Variants in DYM observed in about 807,000 individuals in gnomAD.
DYM encodes dyggve-Melchior-Clausen syndrome protein.
A neutral mutation model predicts 93.1 loss-of-function variants in DYM; 78 were observed. The ratio of observed to expected loss-of-function variants is 0.84; its 90% CI spans 0.70 to 1.01. The LOEUF is 1.01. Ranked by LOEUF, DYM falls within the 50% of genes least tolerant of loss-of-function variation. The pLI is 0.00. For missense variants in DYM, 789 were observed against 845.0 expected, an observed-to-expected ratio of 0.93 and a Z score of 0.82; for synonymous variants, 321 against 319.7, an observed-to-expected ratio of 1.00 and a Z score of -0.04.
chr18:49,460,212 C>T (rs2083380920), intron 1 of DYM, among the ~76,000 whole-genome samples, 186 bp downstream of exon 1: 1 of 152,184 alleles, frequency 6.6e-6, no homozygotes. Context: ...GAGGTCCGTC[C>T]GCTGTCAGCA....
In DYM at chr18:49,036,452, G is replaced by A. The variant is rs1433987704; in HGVS notation, c.*7603C>T. 6.6e-6 allele frequency among the ~76,000 whole-genome samples: 1 copy of A among 151,420 alleles called. No individual in the cohort carries two copies. The highest frequency in any genetic ancestry group is 1.5e-5 in the Non-Finnish European group (1 of 67,938). ...TATAAAACTGCACATATGTAATAAA[G>A]TGTACAATTTGATTAGACATATGTA... On this transcript the variant is annotated 3_prime_UTR_variant, in exon 18 of 18. Transcript: ENST00000675505.
intron 8 of DYM, among the ~76,000 whole-genome samples, chr18:49,323,936 A>C (rs2062695833): frequency 6.6e-6 from 1 of 152,106 alleles, no homozygotes; most frequent in South Asian, 2.1e-4. Flanking sequence ...TCAGGAGTTC[A>C]AGACCAGCCT....
In DYM at chr18:49,088,762, G is replaced by A. The variant is rs557948133; in HGVS notation, c.2025+8640C>T. Among the ~76,000 whole-genome samples the A allele has an allele frequency of 2.0e-5, 3 of 152,242 alleles. No individual in the cohort carries two copies. The South Asian group carries it at 6.2e-4, about 32-fold the overall frequency. ...GGGTTAAGAGGAAGCAAAAATTTAG[G>A]ATCTGAAAGAAGGAATAGCTGAAAT... is the stretch of plus-strand genomic sequence containing the variant. On this transcript the variant is annotated intron_variant, in intron 17 of 17. Transcript: ENST00000675505.
At chr18:49,425,232 T>C (rs1441746813) in intron 2 of DYM, among the ~76,000 whole-genome samples, 1 of 151,976 alleles carries the variant, frequency 6.6e-6, no homozygotes, top group Non-Finnish European at 1.5e-5. Flanking sequence ...CCCTCAGAAA[T>C]AATACCACAC....
chr18:49,264,987 A>G (rs1174428358), intron 11 of DYM, among the ~76,000 whole-genome samples: 1 of 152,236 alleles, frequency 6.6e-6, no homozygotes, highest in East Asian at 1.9e-4. Flanking sequence ...AACCGTTACC[A>G]CAGGTATGAG....
rs374409610 is a variant in DYM at position 49,256,023 on chromosome 18, G to T, written c.1460+987C>A. On this transcript the variant is annotated intron_variant, in intron 13 of 17. Transcript: ENST00000675505. The stretch of plus-strand genomic sequence containing the variant: ...GACGTGAACCCAGGAGGTGGAGCTT[G>T]CAGTGAGCTGAGATCGCACCACGGC... 7.2e-4 allele frequency among the ~76,000 whole-genome samples: 105 copies of T among 146,700 alleles called. No homozygotes were observed. In the Middle Eastern group the frequency reaches 0.018, roughly 25 times the overall value.
intron 6 of DYM, among the ~76,000 whole-genome samples, chr18:49,342,565 T>G (rs2064247520): frequency 1.3e-5 from 2 of 152,150 alleles, no homozygotes; most frequent in African/African-American, 2.4e-5. Flanking sequence ...CCAGCCAGCA[T>G]AAAAATATTA....
intron 13 of DYM, among the ~76,000 whole-genome samples, chr18:49,247,042 C>T (rs1598883707): frequency 6.6e-6 from 1 of 152,182 alleles, no homozygotes; most frequent in African/African-American, 2.4e-5. Context: ...AGTGAACAGA[C>T]TTGGAAGACA....
rs1041549976 is a variant in DYM, at chr18:49,424,101, C to G, written c.140+6154G>C. Among the ~76,000 whole-genome samples, 31 of 151,914 alleles carry G rather than the reference C, an allele frequency of 2.0e-4. No individual in the cohort carries two copies. In the South Asian group the frequency reaches 5.6e-3, roughly 28 times the overall value. On this transcript the variant is annotated intron_variant, in intron 2 of 17. Coordinates refer to ENST00000675505, the MANE Select transcript of DYM (RefSeq NM_001353214.3). ...CTGGCAGAGACACAACCAAAAACGA[C>G]AATTTTAGACCAATATCCCTGATGA...
chr18:49,223,470 T>C (rs1030225024), intron 13 of DYM, among the ~76,000 whole-genome samples: 2 of 152,058 alleles, frequency 1.3e-5, no homozygotes, highest in Admixed American at 1.3e-4. Flanking sequence ...ACTAATCAAA[T>C]GTGGTGTGGG....
intron 15 of DYM, among the ~76,000 whole-genome samples, chr18:49,152,267 G>A (rs1422379885): frequency 6.6e-6 from 1 of 152,176 alleles, no homozygotes; most frequent in Admixed American, 6.5e-5. Context: ...AAAGGCAATA[G>A]TGTTTCATTC....
chr18:49,135,515 CT>C (rs1389110224), intron 15 of DYM, among the ~76,000 whole-genome samples: 2 of 152,152 alleles, frequency 1.3e-5, no homozygotes, highest in African/African-American at 4.8e-5. Context: ...TGCAAAACAC[CT>C]ATCCCAATGC....
At chr18:49,230,135 T>C (rs1267123870) in intron 13 of DYM, among the ~76,000 whole-genome samples, 2 of 152,174 alleles carry the variant, frequency 1.3e-5, no homozygotes. Context: ...GGTAAATACA[T>C]GACTATATGT....
intron 13 of DYM, 113 bp from the exon 14 acceptor site, chr18:49,209,828 CA>C (rs2092698450): frequency 3.9e-6 from 2 of 507,758 alleles, no homozygotes; most frequent in African/African-American, 2.2e-5. Context: ...AGATGGTGCC[CA>C]AGAAAAAAAA....
At chr18:49,404,252 C>T (rs564593488) in intron 2 of DYM, among the ~76,000 whole-genome samples, 1 of 152,282 alleles carries the variant, frequency 6.6e-6, no homozygotes, top group Non-Finnish European at 1.5e-5. Context: ...AAGTGATCCT[C>T]CCGCCTAGGC....
rs977540379 is a variant in DYM, at chr18:49,200,126, T to C, written c.1625+9425A>G. ...TTCTTTGCCAATTAATAAAGTGGCATTGCATTATGTTAGTAGAGGGAAAAA... is the reference window on the plus strand; with the variant it reads ...TTCTTTGCCAATTAATAAAGTGGCACTGCATTATGTTAGTAGAGGGAAAAA... On this transcript the variant is annotated intron_variant, in intron 14 of 17. Coordinates refer to ENST00000675505, the MANE Select transcript of DYM (RefSeq NM_001353214.3). Among the ~76,000 whole-genome samples the C allele has an allele frequency of 1.5e-4, 23 of 152,132 alleles. No homozygotes were observed. The South Asian group carries it at 3.5e-3, about 23-fold the overall frequency.
chr18:49,444,547 CA>C (rs2148644322), intron 1 of DYM, among the ~76,000 whole-genome samples: 1 of 152,208 alleles, frequency 6.6e-6, no homozygotes, highest in Admixed American at 6.5e-5. Flanking sequence ...CCTATGCTGT[CA>C]AAAATTAAAA....
Position 49,043,948 on chromosome 18 carries a change from A to T in DYM, c.*107T>A, listed in dbSNP as rs139373673. 49 of 1,355,680 alleles carry T rather than the reference A, an allele frequency of 3.6e-5. No individual in the cohort carries two copies. The East Asian group carries it at 1.1e-3, about 29-fold the overall frequency. The allele number at this position is 1,355,680 out of a possible 1,614,324, so 84.0% of individuals were successfully genotyped here. On this transcript the variant is annotated 3_prime_UTR_variant, in exon 18 of 18. Transcript: ENST00000675505. ...AAACACACTCGTGCAATCCTCTTTA[A>T]CAGAAGATACACCAAGTAACCTGTC...
In DYM at chr18:49,440,511, T is replaced by C. The variant is rs1478792675; in HGVS notation, c.-53-10064A>G. Among the ~76,000 whole-genome samples, 57 of 54,926 alleles carry C rather than the reference T, an allele frequency of 1.0e-3. 1 individual carries two copies. The highest frequency in any genetic ancestry group is 4.0e-3 in the African/African-American group (55 of 13,644). 36.0% of individuals were successfully genotyped at this position (54,926 alleles called of 152,430 possible). A position where few individuals can be genotyped will look rare whatever the true frequency, so the allele number is the denominator to read the frequency against. Reference sequence around the variant, plus strand: ...ATTTATATAATATATGACTATATATTATATATTTATATAATATATGACTAT... The same window carrying C: ...ATTTATATAATATATGACTATATATCATATATTTATATAATATATGACTAT... On this transcript the variant is annotated intron_variant, in intron 1 of 17. Transcript: ENST00000675505.
Sources: allele counts gnomAD v4.1 joint callset (sites outside exome capture counted in the v4.1 genomes callset), GRCh38; gene constraint gnomAD v4.1.1; transcripts MANE v1.5; gene names NCBI Gene and HGNC (gene_info 2026-07-23, HGNC 2026-07-21).